Variants in RGS10 observed in about 807,000 individuals in gnomAD.
RGS10 encodes the protein regulator of G-protein signalling 10.
In RGS10, 11 loss-of-function variants were observed where a neutral mutation model predicts 23.5. That is an observed-to-expected ratio of 0.47 (90% CI 0.29 to 0.77). The LOEUF is 0.77. RGS10 is among the 30% of genes least tolerant of loss of function. RGS10 has a pLI of 0.08. For synonymous variants in RGS10, 77 were observed against 83.2 expected, an observed-to-expected ratio of 0.92 and a Z score of 0.41; for missense variants, 180 against 226.3, an observed-to-expected ratio of 0.80 and a Z score of 1.31.
intron 4 of RGS10, among the ~76,000 whole-genome samples, chr10:119,501,170 C>T (rs182345258): frequency 1.3e-5 from 2 of 152,318 alleles, no homozygotes; most frequent in East Asian, 1.9e-4. Context: ...AGCACAAAGC[C>T]TTTTCCAGCT....
chr10:119,521,158 G>A (rs12219225), intron 3 of RGS10, among the ~76,000 whole-genome samples: 47,584 of 151,528 alleles, frequency 0.31, 7,593 homozygotes, highest in Middle Eastern at 0.39. Context: ...ATTTCTTTTG[G>A]GACCAGCCTA....
Position 119,526,097 on chromosome 10 carries a change from T to C in RGS10, c.190A>G (p.Ser64Gly), listed in dbSNP as rs1844269941. The C allele has an allele frequency of 6.4e-7, 1 of 1,569,128 alleles. No homozygotes were observed. The highest frequency in any genetic ancestry group is 8.7e-7 in the Non-Finnish European group (1 of 1,151,668). ...RFREFLKKEFSEENVLFWLAC... is the reference protein window; with the variant it reads ...RFREFLKKEFGEENVLFWLAC... ...AGCCAAAACAAAACATTTTCTTCAC[T>C]GAATTCCTTTTTTAAAAATTCCTGT... The change falls in exon 3 of 5, where the codon AGT becomes GGT. Residue 64 changes from serine to glycine, a missense_variant. By Grantham distance (56) the Ser-to-Gly change is moderately conservative. Coordinates refer to ENST00000369103, the MANE Select transcript of RGS10 (RefSeq NM_001005339.2).
intron 3 of RGS10, chr10:119,516,251 C>CAA (rs34362335): frequency 0.61 from 82,010 of 133,676 alleles, 25,552 homozygotes; most frequent in Non-Finnish European, 0.69. Context: ...GACTGTCTCT[C>CAA]AAAAAAAAAA....
At chr10:119,503,388 T>C (rs3009908) in intron 4 of RGS10, among the ~76,000 whole-genome samples, 19,172 of 151,042 alleles carry the variant, frequency 0.13, 1,547 homozygotes, top group East Asian at 0.25. Context: ...TCCAAGAAAG[T>C]GGCCAGAGAT....
At chr10:119,510,364 G>A (rs1216932228) in intron 4 of RGS10, among the ~76,000 whole-genome samples, 4 of 152,014 alleles carry the variant, frequency 2.6e-5, no homozygotes, top group African/African-American at 4.8e-5. Flanking sequence ...GGGCCTTTGC[G>A]CTCACCTCTC....
At position 119,534,762 on chromosome 10, in the gene RGS10, C is replaced by G. The variant is rs539136030; in HGVS notation, c.50-7338G>C. 7.5e-5 allele frequency among the ~76,000 whole-genome samples: 11 copies of G among 145,702 alleles called. No individual in the cohort carries two copies. In the Admixed American group the frequency reaches 7.6e-4, roughly 10 times the overall value. ...AAAATTAGCCAGGTGTGGTGGTGCA[C>G]GCCTGTAGTTCCAGCTACTCGGGAG... On this transcript the variant is annotated intron_variant, in intron 1 of 4. Transcript: ENST00000369103.
intron 4 of RGS10, among the ~76,000 whole-genome samples, chr10:119,515,161 G>T (rs1335163812): frequency 6.6e-6 from 1 of 152,104 alleles, no homozygotes; most frequent in Non-Finnish European, 1.5e-5. Flanking sequence ...GCTTTCTGGA[G>T]TTTTCCGTCT....
At position 119,530,508 on chromosome 10, in the gene RGS10, C is replaced by T. The variant is rs142768797; in HGVS notation, c.50-3084G>A. Among the ~76,000 whole-genome samples the T allele has an allele frequency of 3.3e-5, 5 of 152,174 alleles. No individual in the cohort carries two copies. In the East Asian group the frequency reaches 9.7e-4, roughly 29 times the overall value. Reference sequence around the variant, plus strand: ...GTTCAAGACCAGCCTGAGCAACATACTGGGACCCCATCTCTATAAAATATT... The same window carrying T: ...GTTCAAGACCAGCCTGAGCAACATATTGGGACCCCATCTCTATAAAATATT... On this transcript the variant is annotated intron_variant, in intron 1 of 4. Transcript: ENST00000369103.
In RGS10 at chr10:119,538,973, C is replaced by T. The variant is rs1844413451; in HGVS notation, c.49+3617G>A. 6.6e-6 allele frequency among the ~76,000 whole-genome samples: 1 copy of T among 152,170 alleles called. No individual in the cohort carries two copies. The highest frequency in any genetic ancestry group is 2.4e-5 in the African/African-American group (1 of 41,432). ...AGCCCTAGGAAATGGCCATGCCAGG[C>T]ATCTACATTTTCTAACCATGAAGAA... is the stretch of plus-strand genomic sequence containing the variant. On this transcript the variant is annotated intron_variant, in intron 1 of 4. Coordinates refer to ENST00000369103, the MANE Select transcript of RGS10 (RefSeq NM_001005339.2). The surrounding 1 kb of genome is among the most constrained non-coding windows in gnomAD (Gnocchi z 4.5).
In RGS10 at chr10:119,542,570, G is replaced by C; in HGVS notation, c.49+20C>G. On this transcript the variant is annotated intron_variant, in intron 1 of 4. Coordinates refer to ENST00000369103, the MANE Select transcript of RGS10 (RefSeq NM_001005339.2). ...AACGGCGCCCCGACCCCGAGCCCGC[G>C]GGCCCCCGAAGCCGCTTACCTGACG... The C allele has an allele frequency of 1.4e-6, 2 of 1,396,556 alleles. No individual in the cohort carries two copies. Among genetic ancestry groups the C allele is most frequent in the Non-Finnish European group, 1.9e-6 (2 of 1,075,358 alleles). 86.5% of individuals were successfully genotyped at this position (1,396,556 alleles called of 1,614,324 possible). A position where few individuals can be genotyped will look rare whatever the true frequency, so the allele number is the denominator to read the frequency against.
chr10:119,526,019 G>C lies in RGS10; in HGVS notation c.255+13C>G, dbSNP rs199836580. 6.8e-7 allele frequency: 1 copy of C among 1,480,788 alleles called. No homozygotes were observed. The highest frequency in any genetic ancestry group is 1.4e-5 in the African/African-American group (1 of 70,994). 91.7% of individuals were successfully genotyped at this position (1,480,788 alleles called of 1,614,324 possible). On this transcript the variant is annotated intron_variant, in intron 3 of 4. Coordinates refer to ENST00000369103, the MANE Select transcript of RGS10 (RefSeq NM_001005339.2). ...TTTATAAGGGAAAAAAATTATCAGA[G>C]TGGAGGAAATACCTGCGTCTTATCT...
chr10:119,506,020 G>A (rs145245734), intron 4 of RGS10, among the ~76,000 whole-genome samples: 287 of 152,310 alleles, frequency 1.9e-3, no homozygotes, highest in African/African-American at 6.5e-3. Flanking sequence ...AAGCACCGCC[G>A]TCTCTGAATT....
At chr10:119,526,147 A>G (rs367807119) in intron 2 of RGS10, 29 bp from the exon 3 acceptor site, 5 of 1,180,740 alleles carry the variant, frequency 4.2e-6, no homozygotes, top group Non-Finnish European at 6.0e-6. Context: ...AGAGTCACAC[A>G]GTATTCTACT....
chr10:119,506,725 G>A (rs889240966), intron 4 of RGS10, among the ~76,000 whole-genome samples: 12 of 151,958 alleles, frequency 7.9e-5, no homozygotes, highest in South Asian at 2.1e-4. Flanking sequence ...TTTTTGAGAC[G>A]GAGTCTCACT....
intron 3 of RGS10, among the ~76,000 whole-genome samples, chr10:119,520,552 G>A (rs559357545): frequency 1.1e-4 from 16 of 152,252 alleles, no homozygotes; most frequent in Middle Eastern, 3.4e-3. Context: ...ACCCAGGGAG[G>A]CTCCGGAACA....
At chr10:119,540,890 C>T (rs1379719499) in intron 1 of RGS10, among the ~76,000 whole-genome samples, 1 of 152,162 alleles carries the variant, frequency 6.6e-6, no homozygotes, top group Non-Finnish European at 1.5e-5. Context: ...GTATTTAATC[C>T]CATAACCCTA....
At chr10:119,509,769 T>G (rs1053548193) in intron 4 of RGS10, among the ~76,000 whole-genome samples, 1 of 152,136 alleles carries the variant, frequency 6.6e-6, no homozygotes, top group Non-Finnish European at 1.5e-5. Flanking sequence ...AAGCCCCATG[T>G]TACAGATGGG....
intron 4 of RGS10, among the ~76,000 whole-genome samples, chr10:119,510,917 A>C (rs112390356): frequency 3.3e-3 from 471 of 143,236 alleles, no homozygotes; most frequent in Non-Finnish European, 6.1e-3. Context: ...ACGGAGTTTC[A>C]CCGTGTTAGC....
At chr10:119,508,888 G>A (rs563970739) in intron 4 of RGS10, among the ~76,000 whole-genome samples, 1 of 152,322 alleles carries the variant, frequency 6.6e-6, no homozygotes, top group African/African-American at 2.4e-5. Context: ...CTTGAGCCCA[G>A]GAGTTCAAGA....
Sources: gnomAD v4.1 joint callset for allele counts (sites outside exome capture counted in the v4.1 genomes callset) on GRCh38, gnomAD v4.1.1 for gene constraint, Gnocchi (gnomAD v3.1) non-coding constraint, MANE v1.5 for transcripts, NCBI Gene and HGNC (gene_info 2026-07-23, HGNC 2026-07-21) for gene names.